Variants in CSMD1 observed in about 807,000 individuals in gnomAD.
CSMD1 encodes CUB and sushi domain-containing protein 1.
A neutral mutation model predicts 417.5 loss-of-function variants in CSMD1; 213 were observed. That is an observed-to-expected ratio of 0.51 (90% CI 0.46 to 0.57). The LOEUF is 0.57. Among genes scored for constraint, CSMD1 ranks in the 20% least tolerant of loss-of-function variants. The pLI is 0.00. For missense variants in CSMD1, 6,923 were observed against 4,529.7 expected, an observed-to-expected ratio of 1.53 and a Z score of -15.17; for synonymous variants, 2,862 against 1,736.8, an observed-to-expected ratio of 1.65 and a Z score of -16.11.
chr8:4,335,763 C>G (rs946065162), intron 3 of CSMD1, among the ~76,000 whole-genome samples: 2 of 152,044 alleles, frequency 1.3e-5, no homozygotes, highest in Non-Finnish European at 2.9e-5. Context: ...ATAGAGTCAT[C>G]AATACCTGAA....
In CSMD1 at chr8:4,932,449, T is replaced by G. The variant is rs543005842; in HGVS notation, c.85+61883A>C. On this transcript the variant is annotated intron_variant, in intron 1 of 69. Coordinates refer to ENST00000635120, the MANE Select transcript of CSMD1 (RefSeq NM_033225.6). ...AGACTTCCAAAATCTTTCTGCCAGT[T>G]TGTCTTAAAGAGAAATAATATACTA... Among the ~76,000 whole-genome samples, 3 of 152,324 alleles carry G rather than the reference T, an allele frequency of 2.0e-5. No individual in the cohort carries two copies. In the East Asian group the frequency reaches 5.8e-4, roughly 29 times the overall value.
At position 3,168,550 on chromosome 8, in the gene CSMD1, C is replaced by T. The variant is rs1820376300; in HGVS notation, c.5726-6273G>A. Among the ~76,000 whole-genome samples the T allele has an allele frequency of 2.0e-5, 3 of 151,902 alleles. No individual in the cohort carries two copies. In the South Asian group the frequency reaches 6.2e-4, roughly 32 times the overall value. Reference sequence around the variant, plus strand: ...AATGGAGGAAGTAAATGTCAAATGCCATGATTATAGACAGCTATAAATGTG... The same window carrying T: ...AATGGAGGAAGTAAATGTCAAATGCTATGATTATAGACAGCTATAAATGTG... On this transcript the variant is annotated intron_variant, in intron 37 of 69. Coordinates refer to ENST00000635120, the MANE Select transcript of CSMD1 (RefSeq NM_033225.6).
At chr8:3,829,037 T>G (rs1802218936) in intron 5 of CSMD1, among the ~76,000 whole-genome samples, 1 of 151,630 alleles carries the variant, frequency 6.6e-6, no homozygotes, top group African/African-American at 2.4e-5. Flanking sequence ...TAAAAAAATG[T>G]ATTTTTCCGT....
chr8:3,264,842 T>C (rs535510983), intron 26 of CSMD1, among the ~76,000 whole-genome samples: 8 of 146,856 alleles, frequency 5.4e-5, no homozygotes, highest in Non-Finnish European at 1.1e-4. Flanking sequence ...TGATACTATA[T>C]GTGTGGGTGG....
intron 7 of CSMD1, among the ~76,000 whole-genome samples, chr8:3,696,720 G>C (rs2623592): frequency 0.1 from 15,402 of 152,126 alleles, 2,199 homozygotes; most frequent in African/African-American, 0.32. Flanking sequence ...CATTTTAATC[G>C]TTAAAGTATA....
intron 3 of CSMD1, among the ~76,000 whole-genome samples, chr8:4,123,683 A>G (rs1284475921): frequency 6.6e-6 from 1 of 152,206 alleles, no homozygotes; most frequent in Non-Finnish European, 1.5e-5. Context: ...AAACCTGATG[A>G]TAACTTCTAT....
At chr8:3,681,508 A>T (rs1332370398) in intron 7 of CSMD1, among the ~76,000 whole-genome samples, 1 of 152,188 alleles carries the variant, frequency 6.6e-6, no homozygotes, top group East Asian at 1.9e-4. Flanking sequence ...CTTCAAGGAG[A>T]ATTACAAACC....
At chr8:4,770,031 T>A (rs1796523463) in intron 1 of CSMD1, among the ~76,000 whole-genome samples, 1 of 151,958 alleles carries the variant, frequency 6.6e-6, no homozygotes. Context: ...GTTACTCCGG[T>A]TCCTTTCTCC....
chr8:4,645,266 G>A (rs1322373581), intron 1 of CSMD1, among the ~76,000 whole-genome samples: 6 of 151,978 alleles, frequency 3.9e-5, no homozygotes, highest in African/African-American at 1.4e-4. Context: ...GAACCTCACG[G>A]ATATGATGTC....
intron 1 of CSMD1, among the ~76,000 whole-genome samples, chr8:4,902,609 T>C (rs1406818987): frequency 6.6e-6 from 1 of 152,242 alleles, no homozygotes; most frequent in Non-Finnish European, 1.5e-5. Context: ...CCTTTGACCA[T>C]TGTAATATTT....
At chr8:3,179,295 G>T (rs1382722253) in intron 37 of CSMD1, among the ~76,000 whole-genome samples, 2 of 152,106 alleles carry the variant, frequency 1.3e-5, no homozygotes, top group African/African-American at 2.4e-5. Context: ...AGAGAAATGA[G>T]TTCCTCTTAA....
chr8:3,680,575 C>G (rs1374042685), intron 7 of CSMD1, among the ~76,000 whole-genome samples: 1 of 152,104 alleles, frequency 6.6e-6, no homozygotes, highest in Admixed American at 6.6e-5. Flanking sequence ...AGTCCAGGAC[C>G]AGATGGATTC....
At chr8:3,092,985 T>C (rs751647787) in intron 47 of CSMD1, among the ~76,000 whole-genome samples, 1 of 152,202 alleles carries the variant, frequency 6.6e-6, no homozygotes, top group African/African-American at 2.4e-5. Flanking sequence ...TGTGCAAAGA[T>C]ACTGAGAAAC....
rs537190485 is a variant in CSMD1, at chr8:3,076,631, G to A, written c.7474+10466C>T. Among the ~76,000 whole-genome samples, 5 of 152,274 alleles carry A rather than the reference G, an allele frequency of 3.3e-5. 1 individual carries two copies. In the South Asian group the frequency reaches 1.0e-3, roughly 32 times the overall value. On this transcript the variant is annotated intron_variant, in intron 49 of 69. Coordinates refer to ENST00000635120, the MANE Select transcript of CSMD1 (RefSeq NM_033225.6). ...TCACTATTTTTAAAAGTTGAAGACT[G>A]CACCACCGCTGGCCTAATTTCAAGC... is the stretch of plus-strand genomic sequence containing the variant.
intron 25 of CSMD1, among the ~76,000 whole-genome samples, chr8:3,296,255 G>C (rs117700149): frequency 6.6e-6 from 1 of 151,554 alleles, no homozygotes; most frequent in Non-Finnish European, 1.5e-5. Flanking sequence ...GGTGTTTGTC[G>C]CATCCTGTGA....
At position 3,468,736 on chromosome 8, in the gene CSMD1, G is replaced by C; in HGVS notation, c.1537C>G (p.Pro513Ala). 1 of 1,605,092 alleles carries C rather than the reference G, an allele frequency of 6.2e-7. No individual in the cohort carries two copies. Among genetic ancestry groups the C allele is most frequent in the Non-Finnish European group, 8.5e-7 (1 of 1,175,910 alleles). ...HLQSDDSIGS[P>A]GFKAVYQEIE... is the part of the protein sequence containing the mutation. ...CCTTGGTAAACAGCTTTAAACCCAG[G>C]TGAGCCAATGCTATCATCCGACTGC... is the stretch of plus-strand genomic sequence containing the variant. The change falls in exon 12 of 70, where the codon CCT becomes GCT. Residue 513 changes from proline (P) to alanine (A), a missense_variant. Pro to Ala is a conservative substitution (Grantham distance 27). Transcript: ENST00000635120.
chr8:3,348,441 C>A (rs952019968), intron 21 of CSMD1, among the ~76,000 whole-genome samples: 2 of 152,180 alleles, frequency 1.3e-5, no homozygotes, highest in African/African-American at 4.8e-5. Flanking sequence ...TAGAATAAAA[C>A]AGAGGTGCTC....
At chr8:3,388,250 C>G (rs954390848) in intron 17 of CSMD1, among the ~76,000 whole-genome samples, 1 of 152,146 alleles carries the variant, frequency 6.6e-6, no homozygotes, top group Non-Finnish European at 1.5e-5. Context: ...CAGCCACTTG[C>G]AAGATAGCTA....
At chr8:3,480,119 G>C (rs1423374254) in intron 11 of CSMD1, among the ~76,000 whole-genome samples, 1 of 152,132 alleles carries the variant, frequency 6.6e-6, no homozygotes, top group Non-Finnish European at 1.5e-5. Context: ...AGCACTTTGG[G>C]AGGCCTAGGT....
Sources: allele counts gnomAD v4.1 joint callset (sites outside exome capture counted in the v4.1 genomes callset), GRCh38; gene constraint gnomAD v4.1.1; transcripts MANE v1.5; gene names NCBI Gene and HGNC (gene_info 2026-07-23, HGNC 2026-07-21).